The following ALDH8A1 variants were observed in gnomAD, a reference collection of about 807,000 sequenced individuals.
The protein encoded by ALDH8A1 is aldehyde dehydrogenase 8 family member A1.
Under a neutral mutation model 43.3 loss-of-function variants are expected in ALDH8A1, and 39 were observed. The observed-to-expected ratio is 0.90, with a 90% confidence interval of 0.70 to 1.18. The LOEUF (loss-of-function observed/expected upper bound fraction) is 1.18. Among genes scored for constraint, ALDH8A1 ranks in the 50% most tolerant of loss-of-function variants. The pLI is 0.00. For synonymous variants in ALDH8A1, 233 were observed against 243.5 expected (o/e 0.96, Z 0.40); for missense variants, 605 against 622.6 (o/e 0.97, Z 0.30).
intron 4 of ALDH8A1, among the ~76,000 whole-genome samples, chr6:134,938,936 C>T (rs905903105): frequency 6.6e-6 from 1 of 152,164 alleles, no homozygotes. Flanking sequence ...CGTGAACCAC[C>T]ACACCTGGCC....
At position 134,942,404 on chromosome 6, in the gene ALDH8A1, C is replaced by T. The variant is rs1773871360; in HGVS notation, c.442+5G>A. On this transcript the variant is annotated splice_donor_5th_base_variant and intron_variant, in intron 3 of 6. Coordinates refer to ENST00000265605, the MANE Select transcript of ALDH8A1 (RefSeq NM_022568.4). ...GGAGGTGGGCTCTCACTGAACAGCACTCACCGACTCCCACCGGGGCCCGCA... is the reference window on the plus strand; with the variant it reads ...GGAGGTGGGCTCTCACTGAACAGCATTCACCGACTCCCACCGGGGCCCGCA... 1 of 1,604,848 alleles carries T rather than the reference C, an allele frequency of 6.2e-7. No individual in the cohort carries two copies. The highest frequency in any genetic ancestry group is 1.7e-4 in the Middle Eastern group (1 of 5,940).
intron 1 of ALDH8A1, among the ~76,000 whole-genome samples, chr6:134,947,314 G>C (rs1054331598): frequency 6.6e-6 from 1 of 152,038 alleles, no homozygotes; most frequent in African/African-American, 2.4e-5. Context: ...ACACTGATTT[G>C]GGCAAAGATT....
intron 2 of ALDH8A1, 109 bp from the exon 3 acceptor site, chr6:134,942,673 C>T: frequency 8.6e-7 from 1 of 1,156,774 alleles, no homozygotes. Flanking sequence ...TGGATTCCTT[C>T]TAGCCCGGGG....
chr6:134,923,871 G>GTTAAGGCAAATTTA (rs1190396250), intron 6 of ALDH8A1, among the ~76,000 whole-genome samples: 1 of 152,186 alleles, frequency 6.6e-6, no homozygotes, highest in Admixed American at 6.5e-5. Context: ...TAAGCACTAT[G>GTTAAGGCAAATTTA]TTAAGGCAAA....
intron 5 of ALDH8A1, among the ~76,000 whole-genome samples, chr6:134,930,484 A>G (rs1182490843): frequency 6.6e-6 from 1 of 152,276 alleles, no homozygotes; most frequent in Non-Finnish European, 1.5e-5. Flanking sequence ...ACAGAAATGC[A>G]TAAATATTTT....
intron 1 of ALDH8A1, 39 bp downstream of exon 1, chr6:134,949,877 T>C (rs1774013411): frequency 2.0e-6 from 3 of 1,525,482 alleles, no homozygotes; most frequent in Non-Finnish European, 2.6e-6. Context: ...GGCCAACATA[T>C]TAAACACATT....
At chr6:134,919,764 G>A (rs910747893) in intron 6 of ALDH8A1, among the ~76,000 whole-genome samples, 4 of 152,032 alleles carry the variant, frequency 2.6e-5, no homozygotes, top group African/African-American at 4.8e-5. Flanking sequence ...CTTATCTATC[G>A]AGCATTCTGC....
chr6:134,934,897 T>G (rs561600610), intron 4 of ALDH8A1, among the ~76,000 whole-genome samples: 11 of 152,226 alleles, frequency 7.2e-5, no homozygotes, highest in Non-Finnish European at 1.5e-4. Flanking sequence ...TTTTTGGTTG[T>G]TTGTGTTACT....
At chr6:134,921,510 G>A (rs1406536698) in intron 6 of ALDH8A1, among the ~76,000 whole-genome samples, 1 of 152,232 alleles carries the variant, frequency 6.6e-6, no homozygotes, top group Non-Finnish European at 1.5e-5. Context: ...TCCCCATGGA[G>A]TCACTGAGAC....
intron 6 of ALDH8A1, among the ~76,000 whole-genome samples, chr6:134,920,156 G>T (rs538455186): frequency 6.6e-6 from 1 of 152,080 alleles, no homozygotes; most frequent in Non-Finnish European, 1.5e-5. Flanking sequence ...CAAGGGATCC[G>T]CCCAAAGTGC....
In ALDH8A1 at chr6:134,943,952, G is replaced by T; in HGVS notation, c.153C>A (p.Val51=). 6.2e-7 allele frequency: 1 copy of T among 1,614,058 alleles called. No individual in the cohort carries two copies. Among genetic ancestry groups the T allele is most frequent in the Non-Finnish European group, 8.5e-7 (1 of 1,179,932 alleles). The change falls in exon 2 of 7, where the codon GTC becomes GTA. Residue 51 remains valine, a synonymous_variant. Transcript: ENST00000265605. ...NSGKDEIEAA[V]KAAREAFPSW... The stretch of plus-strand genomic sequence containing the variant: ...TGGGAAAGGCTTCTCTGGCGGCCTT[G>T]ACCGCGGCTTCGATCTTTGAGGAGC...
At chr6:134,919,088 T>G (rs780451245) in intron 6 of ALDH8A1, among the ~76,000 whole-genome samples, 2 of 152,206 alleles carry the variant, frequency 1.3e-5, no homozygotes, top group Non-Finnish European at 2.9e-5. Context: ...GGGAAGTAAT[T>G]ATTTAATGTC....
At chr6:134,930,946 G>A (rs1163383507) in intron 5 of ALDH8A1, among the ~76,000 whole-genome samples, 1 of 152,118 alleles carries the variant, frequency 6.6e-6, no homozygotes, top group Non-Finnish European at 1.5e-5. Context: ...TTTACAGGTA[G>A]GAGAAAAAGT....
rs537507884 is a variant in ALDH8A1 at position 134,942,078 on chromosome 6, G to A, written c.442+331C>T. On this transcript the variant is annotated intron_variant, in intron 3 of 6. Coordinates refer to ENST00000265605, the MANE Select transcript of ALDH8A1 (RefSeq NM_022568.4). Reference sequence around the variant, plus strand: ...TCTACTAAAAACACAAAAATTAGCCGGTGTGGTAGCTCGCACCTGTGGTCC... The same window carrying A: ...TCTACTAAAAACACAAAAATTAGCCAGTGTGGTAGCTCGCACCTGTGGTCC... 207 of 164,998 alleles carry A rather than the reference G, an allele frequency of 1.3e-3. 2 individuals are homozygous for A. The highest frequency in any genetic ancestry group is 4.9e-3 in the South Asian group (26 of 5,346). 10.2% of individuals were successfully genotyped at this position (164,998 alleles called of 1,614,324 possible).
rs760654383 is a variant in ALDH8A1 at position 134,918,797 on chromosome 6, A to G, written c.1082T>C (p.Leu361Ser). 2 of 1,614,232 alleles carry G rather than the reference A, an allele frequency of 1.2e-6. No individual in the cohort carries two copies. Among genetic ancestry groups the G allele is most frequent in the South Asian group, 2.2e-5 (2 of 91,090 alleles). Reference sequence around the variant, plus strand: ...TGCCTGGTTCCTGGCAGGGAGGCTCAACTTATCCACTCCCTCACCGCACCA... The same window carrying G: ...TGCCTGGTTCCTGGCAGGGAGGCTCGACTTATCCACTCCCTCACCGCACCA... The part of the protein sequence containing the change: ...QIWCGEGVDK[L>S]SLPARNQAGY... The change falls in exon 7 of 7, where the codon TTG becomes TCG. Residue 361 changes from leucine to serine, a missense_variant. By Grantham distance (145) the Leu-to-Ser change is moderately radical. Coordinates refer to ENST00000265605, the MANE Select transcript of ALDH8A1 (RefSeq NM_022568.4).
At chr6:134,940,747 T>A (rs1212705067) in intron 3 of ALDH8A1, among the ~76,000 whole-genome samples, 4 of 152,244 alleles carry the variant, frequency 2.6e-5, no homozygotes, top group Non-Finnish European at 5.9e-5. Flanking sequence ...CCTTATTTTA[T>A]ACTCTTCCCT....
chr6:134,930,739 G>C (rs555024786), intron 5 of ALDH8A1, among the ~76,000 whole-genome samples: 1 of 152,328 alleles, frequency 6.6e-6, no homozygotes, highest in African/African-American at 2.4e-5. Context: ...TGACGAAGAG[G>C]CTAGAGGGGT....
Position 134,937,831 on chromosome 6 carries a change from C to T in ALDH8A1, c.592+1435G>A, listed in dbSNP as rs181946197. Among the ~76,000 whole-genome samples, 301 of 152,242 alleles carry T rather than the reference C, an allele frequency of 2.0e-3. 1 individual carries two copies. The highest frequency in any genetic ancestry group is 7.1e-3 in the African/African-American group (294 of 41,528). ...TGTAGGGGAGGAACATGGGAAGGGT[C>T]GGCACATTTAAATGATATACCCCGC... On this transcript the variant is annotated intron_variant, in intron 4 of 6. Coordinates refer to ENST00000265605, the MANE Select transcript of ALDH8A1 (RefSeq NM_022568.4).
intron 6 of ALDH8A1, 87 bp from the exon 7 acceptor site, chr6:134,918,954 C>G (rs1028658605): frequency 7.1e-7 from 1 of 1,406,382 alleles, no homozygotes; most frequent in Non-Finnish European, 9.8e-7. Flanking sequence ...CTAATCATCT[C>G]GGAAGGAGGG....
Sources: allele counts gnomAD v4.1 joint callset (sites outside exome capture counted in the v4.1 genomes callset), GRCh38; gene constraint gnomAD v4.1.1; transcripts MANE v1.5; gene names NCBI Gene and HGNC (gene_info 2026-07-23, HGNC 2026-07-21).